Variants in HDLBP observed in about 807,000 individuals in gnomAD.
HDLBP encodes high density lipoprotein binding protein.
Under a neutral mutation model 137.3 loss-of-function variants are expected in HDLBP, and 30 were observed. The ratio of observed to expected loss-of-function variants is 0.22; its 90% CI spans 0.16 to 0.30. HDLBP has a LOEUF of 0.30. HDLBP is among the 10% of genes least tolerant of loss of function. The probability of loss-of-function intolerance (pLI) is 1.00; values close to 1 mark genes in which losing one functional copy is unlikely to be tolerated. For missense variants in HDLBP, 1,119 were observed against 1,667.3 expected (o/e 0.67, Z 5.73); for synonymous variants, 606 against 596.0 (o/e 1.02, Z -0.24).
At chr2:241,250,644 G>C (rs2072060382) in intron 11 of HDLBP, 1 of 152,324 alleles carries the variant, frequency 6.6e-6, no homozygotes, top group South Asian at 2.1e-4. Context: ...CCACTGTGCA[G>C]TAAAGGGAAG....
Position 241,239,053 on chromosome 2 carries a change from C to T in HDLBP, c.2611-266G>A, listed in dbSNP as rs1015713413. On this transcript the variant is annotated intron_variant, in intron 19 of 27. Coordinates refer to ENST00000310931, the MANE Select transcript of HDLBP (RefSeq NM_005336.6). The surrounding 1 kb of genome is among the most constrained non-coding windows in gnomAD (Gnocchi z 4.6). The stretch of plus-strand genomic sequence containing the variant: ...GGCCAATTCAGCCAAAGGAGTGGGA[C>T]CTCCTGGGGTAGCCTCTGACTCCAT... 6.6e-6 allele frequency among the ~76,000 whole-genome samples: 1 copy of T among 152,162 alleles called. No homozygotes were observed. Among genetic ancestry groups the T allele is most frequent in the African/African-American group, 2.4e-5 (1 of 41,416 alleles).
intron 12 of HDLBP, 87 bp from the exon 13 acceptor site, chr2:241,248,435 G>A: frequency 9.3e-7 from 1 of 1,078,232 alleles, no homozygotes; most frequent in East Asian, 2.4e-5. Context: ...GGGAGCCCTG[G>A]GCACAGTCCT....
At chr2:241,278,722 G>T (rs1288440643) in intron 1 of HDLBP, among the ~76,000 whole-genome samples, 1 of 152,176 alleles carries the variant, frequency 6.6e-6, no homozygotes, top group Non-Finnish European at 1.5e-5. Context: ...AGTATTCACA[G>T]ACAATATAAC....
At chr2:241,293,158 T>C (rs1050395934) in intron 1 of HDLBP, among the ~76,000 whole-genome samples, 1 of 143,846 alleles carries the variant, frequency 7.0e-6, no homozygotes, top group Non-Finnish European at 1.5e-5. Flanking sequence ...CAAGTCAAGA[T>C]GTAAAGTGAA....
chr2:241,256,264 G>C lies in HDLBP; in HGVS notation c.793C>G (p.Arg265Gly). 1 of 1,614,118 alleles carries C rather than the reference G, an allele frequency of 6.2e-7. No homozygotes were observed. The highest frequency in any genetic ancestry group is 8.5e-7 in the Non-Finnish European group (1 of 1,180,014). ...RINIPPPSVN[R>G]TEIVFTGEKE... is the part of the protein sequence containing the mutation. ...TCTCCAGTGAAGACAATCTCTGTCC[G>C]GTTCACGCTGGGTGGGGGGATGTTG... The change falls in exon 7 of 28, where the codon CGG becomes GGG. Residue 265 changes from arginine to glycine, a missense_variant. Arg to Gly is a moderately radical substitution (Grantham distance 125, BLOSUM62 -2). This residue lies in a region of HDLBP where 425 missense variants were observed against 693.9 expected (regional missense o/e 0.61). Coordinates refer to ENST00000310931, the MANE Select transcript of HDLBP (RefSeq NM_005336.6).
chr2:241,251,249 G>GT (rs1444297235), intron 11 of HDLBP, among the ~76,000 whole-genome samples: 4 of 152,130 alleles, frequency 2.6e-5, no homozygotes, highest in African/African-American at 9.7e-5. Flanking sequence ...AAGAGCCACC[G>GT]TGTCAGGCCT....
At chr2:241,300,543 C>T (rs1458925886) in intron 1 of HDLBP, among the ~76,000 whole-genome samples, 1 of 152,188 alleles carries the variant, frequency 6.6e-6, no homozygotes, top group Non-Finnish European at 1.5e-5. Flanking sequence ...AATTAAAATA[C>T]TCTAAGAAGA....
Position 241,272,841 on chromosome 2 carries a change from C to G in HDLBP, c.-102-4300G>C. 3.5e-6 allele frequency: 1 copy of G among 284,410 alleles called. No homozygotes were observed. Among genetic ancestry groups the G allele is most frequent in the Non-Finnish European group, 5.3e-6 (1 of 189,580 alleles). 17.6% of individuals were successfully genotyped at this position (284,410 alleles called of 1,614,324 possible). A position where few individuals can be genotyped will look rare whatever the true frequency, so the allele number is the denominator to read the frequency against. ...GAAGCCGGGACGCTCCGAGGCGCGG[C>G]GCCCGGGCCCCGGCTGCTATATAGG... On this transcript the variant is annotated intron_variant, in intron 1 of 27. Coordinates refer to ENST00000310931, the MANE Select transcript of HDLBP (RefSeq NM_005336.6). This position sits in a 1 kb window ranked among gnomAD's most constrained non-coding sequence, Gnocchi z 5.6.
In HDLBP at chr2:241,272,622, G is replaced by T; in HGVS notation, c.-102-4081C>A. The T allele has an allele frequency of 1.0e-6, 1 of 979,674 alleles. No individual in the cohort carries two copies. Among genetic ancestry groups the T allele is most frequent in the Non-Finnish European group, 1.2e-6 (1 of 826,074 alleles). The allele number at this position is 979,674 out of a possible 1,614,324, so 60.7% of individuals were successfully genotyped here. A position where few individuals can be genotyped will look rare whatever the true frequency, so the allele number is the denominator to read the frequency against. On this transcript the variant is annotated intron_variant, in intron 1 of 27. Coordinates refer to ENST00000310931, the MANE Select transcript of HDLBP (RefSeq NM_005336.6). This position sits in a 1 kb window ranked among gnomAD's most constrained non-coding sequence, Gnocchi z 5.6. ...GGGCGGGGGCCGCAGCCTGGGGCCCGGGTGGGGGCCGCGGCACCCGGGCCC... is the reference window on the plus strand; with the variant it reads ...GGGCGGGGGCCGCAGCCTGGGGCCCTGGTGGGGGCCGCGGCACCCGGGCCC...
Position 241,262,821 on chromosome 2 carries a change from G to C in HDLBP, c.340C>G (p.His114Asp). Reference sequence around the variant, plus strand: ...TCTTTGGCCAAAGACAGCTCCAAGTGAGCACCAGTTCTCTGCATGATCTCA... The same window carrying C: ...TCTTTGGCCAAAGACAGCTCCAAGTCAGCACCAGTTCTCTGCATGATCTCA... ...CLEIMQRTGAHLELSLAKDQG... is the reference protein window; with the variant it reads ...CLEIMQRTGADLELSLAKDQG... The change falls in exon 5 of 28, where the codon CAC becomes GAC. Residue 114 changes from histidine (H) to aspartate (D), a missense_variant. This residue lies in a region of HDLBP where 17 missense variants were observed against 64.3 expected (regional missense o/e 0.26). Transcript: ENST00000310931. 6.2e-7 allele frequency: 1 copy of C among 1,614,110 alleles called. No homozygotes were observed. Among genetic ancestry groups the C allele is most frequent in the Non-Finnish European group, 8.5e-7 (1 of 1,179,948 alleles).
intron 16 of HDLBP, among the ~76,000 whole-genome samples, chr2:241,246,023 T>C (rs1263584812): frequency 6.6e-6 from 1 of 152,126 alleles, no homozygotes; most frequent in Non-Finnish European, 1.5e-5. Context: ...TGAAAGACAC[T>C]AATTACCAAG....
At chr2:241,283,699 C>T (rs1053600381) in intron 1 of HDLBP, among the ~76,000 whole-genome samples, 7 of 152,236 alleles carry the variant, frequency 4.6e-5, no homozygotes, top group Admixed American at 4.6e-4. Flanking sequence ...TGGTCTCGAT[C>T]TCCTGACCTC....
chr2:241,280,380 C>T (rs556231994), intron 1 of HDLBP, among the ~76,000 whole-genome samples: 2 of 152,232 alleles, frequency 1.3e-5, no homozygotes, highest in African/African-American at 2.4e-5. Context: ...ATTAAACTCC[C>T]AGCCCTAAAA....
At chr2:241,257,795 A>G (rs1206607422) in intron 5 of HDLBP, among the ~76,000 whole-genome samples, 1 of 152,224 alleles carries the variant, frequency 6.6e-6, no homozygotes, top group Non-Finnish European at 1.5e-5. Flanking sequence ...TGCAGGGTGG[A>G]GGTGTTAACA....
intron 1 of HDLBP, among the ~76,000 whole-genome samples, chr2:241,299,360 T>TA (rs2075306044): frequency 6.7e-6 from 1 of 149,748 alleles, no homozygotes; most frequent in African/African-American, 2.5e-5. Context: ...CTACTAAAAA[T>TA]ACAAAAATTA....
intron 22 of HDLBP, 24 bp downstream of exon 22, chr2:241,235,466 T>C (rs756825921): frequency 1.2e-5 from 19 of 1,585,620 alleles, no homozygotes; most frequent in Non-Finnish European, 1.4e-5. Flanking sequence ...TCCTGTGACA[T>C]GGCCTCCCGG....
intron 1 of HDLBP, among the ~76,000 whole-genome samples, chr2:241,305,055 A>G (rs1168179424): frequency 6.6e-6 from 1 of 152,244 alleles, no homozygotes; most frequent in Non-Finnish European, 1.5e-5. Context: ...ATCTGTGAGG[A>G]CACCAGCACT....
chr2:241,234,105 T>A, intron 23 of HDLBP, 142 bp from the exon 24 acceptor site: 1 of 874,654 alleles, frequency 1.1e-6, no homozygotes, highest in Non-Finnish European at 1.8e-6. Flanking sequence ...GCCATCTCTC[T>A]GGTCCGACCT....
chr2:241,302,314 A>G (rs1158319798), intron 1 of HDLBP, among the ~76,000 whole-genome samples: 1 of 152,142 alleles, frequency 6.6e-6, no homozygotes, highest in Non-Finnish European at 1.5e-5. Flanking sequence ...AGCACTTTGC[A>G]CTTTGGGAGG....
Sources: gnomAD v4.1 joint callset for allele counts (sites outside exome capture counted in the v4.1 genomes callset) on GRCh38, gnomAD v4.1.1 for gene constraint, gnomAD v4.1.1 regional missense constraint, Gnocchi (gnomAD v3.1) non-coding constraint, MANE v1.5 for transcripts, NCBI Gene and HGNC (gene_info 2026-07-23, HGNC 2026-07-21) for gene names.